Variants in UBAC2 observed in about 807,000 individuals in gnomAD.
The protein encoded by UBAC2 is UBA domain containing 2.
In UBAC2, 26 loss-of-function variants were observed where a neutral mutation model predicts 44.0. That is an observed-to-expected ratio of 0.59 (90% CI 0.43 to 0.82). The LOEUF (loss-of-function observed/expected upper bound fraction) is 0.82, where lower values mean the gene tolerates loss of function less well. Ranked by LOEUF, UBAC2 falls within the 40% of genes least tolerant of loss-of-function variation. The pLI, the probability that UBAC2 is intolerant of heterozygous loss-of-function variation, is 0.00. For synonymous variants in UBAC2, 155 were observed against 154.3 expected, an observed-to-expected ratio of 1.00 and a Z score of -0.04; for missense variants, 329 against 419.4, an observed-to-expected ratio of 0.78 and a Z score of 1.88.
chr13:99,361,645 T>C (rs532108105), intron 7 of UBAC2, among the ~76,000 whole-genome samples: 2 of 152,304 alleles, frequency 1.3e-5, no homozygotes, highest in South Asian at 2.1e-4. Context: ...TTCTTTGTTA[T>C]AGCGGCTGCC....
At chr13:99,251,434 A>T (rs1176467658) in intron 4 of UBAC2, among the ~76,000 whole-genome samples, 1 of 152,152 alleles carries the variant, frequency 6.6e-6, no homozygotes, top group Non-Finnish European at 1.5e-5. Context: ...TCCTAAATGA[A>T]TATTCATCCC....
At chr13:99,226,634 A>G (rs61968341) in intron 1 of UBAC2, among the ~76,000 whole-genome samples, 4,650 of 152,252 alleles carry the variant, frequency 0.031, 91 homozygotes, top group Middle Eastern at 0.13. Context: ...AAGTCCTCAT[A>G]ATGGCCTGTA....
At chr13:99,319,126 C>T (rs1482064336) in intron 6 of UBAC2, among the ~76,000 whole-genome samples, 3 of 152,216 alleles carry the variant, frequency 2.0e-5, no homozygotes, top group Admixed American at 1.3e-4. Flanking sequence ...CAAGCAACCT[C>T]AGTATGTTTG....
At chr13:99,362,342 A>G (rs1170413829) in intron 7 of UBAC2, among the ~76,000 whole-genome samples, 1 of 152,214 alleles carries the variant, frequency 6.6e-6, no homozygotes, top group Non-Finnish European at 1.5e-5. Context: ...TGCTTCACAG[A>G]AGATCCTCAT....
At chr13:99,330,045 T>C (rs569340708) in intron 6 of UBAC2, among the ~76,000 whole-genome samples, 12 of 152,360 alleles carry the variant, frequency 7.9e-5, no homozygotes, top group African/African-American at 2.9e-4. Flanking sequence ...AAATTTTCAA[T>C]GTACAGGTCT....
chr13:99,368,276 G>A (rs1256020485), intron 8 of UBAC2, among the ~76,000 whole-genome samples: 3 of 152,144 alleles, frequency 2.0e-5, no homozygotes, highest in Non-Finnish European at 4.4e-5. Flanking sequence ...ATGGTTTTGA[G>A]TCATGTTAAT....
intron 7 of UBAC2, among the ~76,000 whole-genome samples, chr13:99,348,196 T>C (rs2045021335): frequency 6.6e-6 from 1 of 152,210 alleles, no homozygotes; most frequent in South Asian, 2.1e-4. Flanking sequence ...TACTTCTTTG[T>C]CTTTTGGCTC....
intron 5 of UBAC2, among the ~76,000 whole-genome samples, chr13:99,315,266 T>C (rs189037501): frequency 1.3e-5 from 2 of 152,136 alleles, no homozygotes; most frequent in East Asian, 3.9e-4. Context: ...TTCTTATGAG[T>C]AGGATTTGCT....
intron 4 of UBAC2, among the ~76,000 whole-genome samples, chr13:99,293,899 A>G (rs1469123292): frequency 6.6e-6 from 1 of 152,170 alleles, no homozygotes; most frequent in Non-Finnish European, 1.5e-5. Flanking sequence ...CTCAGAATTA[A>G]CATTTTCTTT....
chr13:99,319,041 A>G (rs1212970456), intron 6 of UBAC2, among the ~76,000 whole-genome samples: 1 of 151,976 alleles, frequency 6.6e-6, no homozygotes, highest in Non-Finnish European at 1.5e-5. Flanking sequence ...CACACGAGGG[A>G]AAAAAATAAT....
Position 99,385,675 on chromosome 13 carries a change from C to G in UBAC2, c.*340C>G. On this transcript the variant is annotated 3_prime_UTR_variant, in exon 9 of 9. Coordinates refer to ENST00000403766, the MANE Select transcript of UBAC2 (RefSeq NM_001144072.2). The stretch of plus-strand genomic sequence containing the variant: ...CTCCAGATGGGGAATTGCTGTAACC[C>G]TCTTACTGTAACATGTCATCTCCTG... 3.8e-6 allele frequency: 1 copy of G among 264,482 alleles called. No homozygotes were observed. The highest frequency in any genetic ancestry group is 6.6e-5 in the South Asian group (1 of 15,206). The allele number at this position is 264,482 out of a possible 1,614,324, so 16.4% of individuals were successfully genotyped here.
intron 1 of UBAC2, among the ~76,000 whole-genome samples, chr13:99,207,043 T>A (rs571991786): frequency 6.6e-6 from 1 of 152,378 alleles, no homozygotes; most frequent in South Asian, 2.1e-4. Flanking sequence ...TCTTGCTTTT[T>A]CTTTACCTTC....
At chr13:99,383,083 C>T (rs913621991) in intron 8 of UBAC2, among the ~76,000 whole-genome samples, 5 of 152,228 alleles carry the variant, frequency 3.3e-5, no homozygotes, top group African/African-American at 1.2e-4. Flanking sequence ...GCAGCATTCT[C>T]AGCCACCTGG....
At chr13:99,269,022 G>A (rs1205835768) in intron 4 of UBAC2, among the ~76,000 whole-genome samples, 1 of 152,232 alleles carries the variant, frequency 6.6e-6, no homozygotes, top group Non-Finnish European at 1.5e-5. Context: ...ACGGGGACAT[G>A]CTACGGGATA....
intron 4 of UBAC2, among the ~76,000 whole-genome samples, chr13:99,274,962 C>T (rs1884331023): frequency 1.3e-5 from 2 of 152,148 alleles, no homozygotes. Context: ...AAGCAGTCCT[C>T]CCACCTCCAC....
intron 2 of UBAC2, among the ~76,000 whole-genome samples, chr13:99,243,415 AT>A (rs2043344161): frequency 6.6e-6 from 1 of 152,090 alleles, no homozygotes; most frequent in African/African-American, 2.4e-5. Context: ...AAGCTCAGAA[AT>A]GCATATTTTT....
intron 2 of UBAC2, among the ~76,000 whole-genome samples, chr13:99,238,909 A>T (rs921892520): frequency 2.0e-5 from 3 of 152,174 alleles, no homozygotes; most frequent in Non-Finnish European, 4.4e-5. Context: ...TGAATATTTG[A>T]TTAGAGGAGC....
chr13:99,376,458 A>G (rs2045481221), intron 8 of UBAC2, among the ~76,000 whole-genome samples: 1 of 152,168 alleles, frequency 6.6e-6, no homozygotes, highest in African/African-American at 2.4e-5. Context: ...GGACACCTCC[A>G]GAGTGGGTCT....
At chr13:99,384,164 A>G (rs9557207) in intron 8 of UBAC2, among the ~76,000 whole-genome samples, 25,771 of 152,176 alleles carry the variant, frequency 0.17, 2,408 homozygotes, top group Middle Eastern at 0.23. Context: ...ATGTAGCACC[A>G]AGTAGCTCGC....
Sources: gnomAD v4.1 joint callset for allele counts (sites outside exome capture counted in the v4.1 genomes callset) on GRCh38, gnomAD v4.1.1 for gene constraint, MANE v1.5 for transcripts, NCBI Gene and HGNC (gene_info 2026-07-23, HGNC 2026-07-21) for gene names.